The following MAP3K19 variants were observed in gnomAD, a reference collection of about 807,000 sequenced individuals.
The protein encoded by MAP3K19 is SPS1/STE20-related protein kinase YSK4.
MAP3K19 carries 91 observed loss-of-function variants against 114.4 expected under a neutral mutation model. That is an observed-to-expected ratio of 0.80 (90% CI 0.67 to 0.95). The LOEUF is 0.95. MAP3K19 is among the 40% of genes least tolerant of loss of function. MAP3K19 has a pLI of 0.00. For missense variants in MAP3K19, 1,471 were observed against 1,573.2 expected (o/e 0.94, Z 1.10); for synonymous variants, 518 against 530.5 (o/e 0.98, Z 0.32).
chr2:134,988,775 T>C (rs1685356253), intron 9 of MAP3K19, among the ~76,000 whole-genome samples: 1 of 152,204 alleles, frequency 6.6e-6, no homozygotes, highest in African/African-American at 2.4e-5. Flanking sequence ...ACCAGGATTA[T>C]TATAGATGTA....
Position 134,987,765 on chromosome 2 carries a change from T to C in MAP3K19, c.1107A>G (p.Ser369=). 6.2e-7 allele frequency: 1 copy of C among 1,608,408 alleles called. No homozygotes were observed. Among genetic ancestry groups the C allele is most frequent in the South Asian group, 1.1e-5 (1 of 91,048 alleles). ...TGGCTACTGAACTCTCATTCTTTCT[T>C]GATGAAAGATATTGAGAGTTCTCTT... is the stretch of plus-strand genomic sequence containing the variant. ...PEEENSQYLS[S]RKNESSVAKN... The change falls in exon 10 of 13, where the codon TCA becomes TCG. Residue 369 remains serine, a synonymous_variant. Coordinates refer to ENST00000392915, the MANE Select transcript of MAP3K19 (RefSeq NM_025052.5).
At chr2:135,029,248 C>A (rs1328879478) in intron 3 of MAP3K19, among the ~76,000 whole-genome samples, 2 of 151,978 alleles carry the variant, frequency 1.3e-5, no homozygotes, top group Non-Finnish European at 2.9e-5. Flanking sequence ...TGGTGGCGGG[C>A]GCCTGTAGTC....
intron 2 of MAP3K19, among the ~76,000 whole-genome samples, chr2:135,033,483 TG>T (rs1688442944): frequency 9.2e-6 from 1 of 108,830 alleles, no homozygotes; most frequent in Non-Finnish European, 1.7e-5. Flanking sequence ...ACGGGGCGGC[TG>T]GCCGGGCAGA....
chr2:134,971,831 T>C (rs561112661), intron 12 of MAP3K19, among the ~76,000 whole-genome samples: 48 of 152,044 alleles, frequency 3.2e-4, no homozygotes, highest in African/African-American at 1.2e-3. Flanking sequence ...TAGCTAGCAG[T>C]TTATTGATTT....
intron 1 of MAP3K19, among the ~76,000 whole-genome samples, chr2:135,044,508 T>G (rs989293342): frequency 1.3e-5 from 2 of 152,210 alleles, no homozygotes; most frequent in African/African-American, 4.8e-5. Flanking sequence ...GAGAATCACT[T>G]GAACCTGGGA....
intron 9 of MAP3K19, among the ~76,000 whole-genome samples, chr2:134,990,754 G>A (rs1285586391): frequency 6.6e-6 from 1 of 152,026 alleles, no homozygotes; most frequent in African/African-American, 2.4e-5. Flanking sequence ...GGATTAAGGC[G>A]TGAGCCACCA....
Position 134,980,802 on chromosome 2 carries a change from C to T in MAP3K19, c.3920+19G>A. On this transcript the variant is annotated intron_variant, in intron 12 of 12. Transcript: ENST00000392915. ...ATCTCCGGGCATTTATCTTCCTCCT[C>T]TTGCTTTCAGTTTCTTACCTGGTCA... is the stretch of plus-strand genomic sequence containing the variant. 1 of 1,599,952 alleles carries T rather than the reference C, an allele frequency of 6.3e-7. No homozygotes were observed. Among genetic ancestry groups the T allele is most frequent in the Non-Finnish European group, 8.6e-7 (1 of 1,168,616 alleles).
Position 134,997,817 on chromosome 2 carries a change from C to CAAAAAAAA in MAP3K19, c.574+913_574+920dup, listed in dbSNP as rs1187957592. ...CTGGTGACAGAGCGAGACTCCGTCT[C>CAAAAAAAA]AAAAAAAAAAAAACTTTAAGCACTG... On this transcript the variant is annotated intron_variant, in intron 8 of 12. Transcript: ENST00000392915. 1.6e-4 allele frequency among the ~76,000 whole-genome samples: 15 copies of CAAAAAAAA among 91,022 alleles called. 1 individual carries two copies. Among genetic ancestry groups the CAAAAAAAA allele is most frequent in the Non-Finnish European group, 2.6e-4 (12 of 45,626 alleles). 59.7% of individuals were successfully genotyped at this position (91,022 alleles called of 152,430 possible).
chr2:135,008,285 C>T (rs1298491940), intron 5 of MAP3K19, among the ~76,000 whole-genome samples: 1 of 151,942 alleles, frequency 6.6e-6, no homozygotes, highest in African/African-American at 2.4e-5. Context: ...ACCATGCCCG[C>T]CTTATTTTTG....
intron 6 of MAP3K19, among the ~76,000 whole-genome samples, chr2:135,002,546 T>G (rs1460484916): frequency 6.6e-6 from 1 of 151,982 alleles, no homozygotes; most frequent in African/African-American, 2.4e-5. Flanking sequence ...GCATGGAGGT[T>G]CAAAATATTT....
At chr2:134,998,313 A>G (rs1686174428) in intron 8 of MAP3K19, among the ~76,000 whole-genome samples, 1 of 152,208 alleles carries the variant, frequency 6.6e-6, no homozygotes, top group East Asian at 1.9e-4. Flanking sequence ...CTCACAATGA[A>G]GATTTTCAAA....
At chr2:135,045,023 C>G (rs1175936675) in intron 1 of MAP3K19, among the ~76,000 whole-genome samples, 1 of 152,112 alleles carries the variant, frequency 6.6e-6, no homozygotes, top group Non-Finnish European at 1.5e-5. Context: ...TAGTGATGGA[C>G]ATCTAAGTTG....
rs1458363498 is a variant in MAP3K19, at chr2:135,040,397, G to A, written c.-318C>T. 6.6e-6 allele frequency: 1 copy of A among 152,614 alleles called. No homozygotes were observed. The highest frequency in any genetic ancestry group is 6.5e-5 in the Admixed American group (1 of 15,284). The allele number at this position is 152,614 out of a possible 1,614,324, so 9.5% of individuals were successfully genotyped here. A position where few individuals can be genotyped will look rare whatever the true frequency, so the allele number is the denominator to read the frequency against. On this transcript the variant is annotated 5_prime_UTR_variant, in exon 2 of 13. Transcript: ENST00000392915. ...ATTTTCCTCTGCTGCAGTAATGAGA[G>A]GCGTATTCCACGTCTCTGGGTGCTG...
At position 134,991,595 on chromosome 2, in the gene MAP3K19, A is replaced by G. The variant is rs544377012; in HGVS notation, c.575-15T>C. The G allele has an allele frequency of 1.1e-5, 18 of 1,606,710 alleles. No individual in the cohort carries two copies. The South Asian group carries it at 1.9e-4, about 17-fold the overall frequency. ...GGTCGAAAACTCTACAACAAGAAAA[A>G]CAATAACTGGATATTCTTAGTAGTA... On this transcript the variant is annotated splice_polypyrimidine_tract_variant and intron_variant, in intron 8 of 12. Transcript: ENST00000392915.
Position 134,985,781 on chromosome 2 carries a change from G to T in MAP3K19, c.3072+19C>A, listed in dbSNP as rs770560460. 21 of 1,563,632 alleles carry T rather than the reference G, an allele frequency of 1.3e-5. No homozygotes were observed. Among genetic ancestry groups the T allele is most frequent in the Non-Finnish European group, 1.8e-5 (21 of 1,157,494 alleles). On this transcript the variant is annotated intron_variant, in intron 10 of 12. Transcript: ENST00000392915. ...GGTCCTTCCCACCCCAATGAATCTTGGATTCTAATTATACCAACCTGTATT... is the reference window on the plus strand; with the variant it reads ...GGTCCTTCCCACCCCAATGAATCTTTGATTCTAATTATACCAACCTGTATT...
chr2:134,964,594 C>G lies in MAP3K19; in HGVS notation c.*256G>C, dbSNP rs554731896. The stretch of plus-strand genomic sequence containing the variant: ...AACAATAGAGAATGTAGTTCCTGGA[C>G]AATCAAAACTGTAAACACTGAAATA... On this transcript the variant is annotated 3_prime_UTR_variant, in exon 13 of 13. Coordinates refer to ENST00000392915, the MANE Select transcript of MAP3K19 (RefSeq NM_025052.5). 3.5e-6 allele frequency: 1 copy of G among 285,916 alleles called. No individual in the cohort carries two copies. Among genetic ancestry groups the G allele is most frequent in the South Asian group, 1.2e-4 (1 of 8,024 alleles). The allele number at this position is 285,916 out of a possible 1,614,324, so 17.7% of individuals were successfully genotyped here.
chr2:135,032,579 GTTT>G (rs1688409957), intron 2 of MAP3K19, among the ~76,000 whole-genome samples: 1 of 124,830 alleles, frequency 8.0e-6, no homozygotes, highest in Non-Finnish European at 1.5e-5. Flanking sequence ...ATAAAATGTT[GTTT>G]GTTTTTTTTT....
At chr2:135,025,575 A>G (rs1353542784) in intron 3 of MAP3K19, among the ~76,000 whole-genome samples, 10 of 151,082 alleles carry the variant, frequency 6.6e-5, no homozygotes, top group Admixed American at 6.6e-4. Context: ...TTTAGTAGAG[A>G]CGGGGTTTCA....
chr2:134,988,854 G>A (rs1573957682), intron 9 of MAP3K19, among the ~76,000 whole-genome samples: 1 of 152,052 alleles, frequency 6.6e-6, no homozygotes, highest in African/African-American at 2.4e-5. Context: ...AAGATAAGAA[G>A]CATTTTATTT....
Sources: allele counts gnomAD v4.1 joint callset (sites outside exome capture counted in the v4.1 genomes callset), GRCh38; gene constraint gnomAD v4.1.1; transcripts MANE v1.5; gene names NCBI Gene and HGNC (gene_info 2026-07-23, HGNC 2026-07-21).